DOK5: variants seen among roughly 807,000 people sequenced by gnomAD.
The protein encoded by DOK5 is downstream of tyrosine kinase 5.
A neutral mutation model predicts 43.3 loss-of-function variants in DOK5; 27 were observed. The ratio of observed to expected loss-of-function variants is 0.62; its 90% confidence interval spans 0.46 to 0.86. The LOEUF is 0.86. Ranked by LOEUF, DOK5 falls within the 40% of genes least tolerant of loss-of-function variation. DOK5 has a pLI of 0.00. For synonymous variants in DOK5, 146 were observed against 140.1 expected, an observed-to-expected ratio of 1.04 and a Z score of -0.30; for missense variants, 373 against 392.9, an observed-to-expected ratio of 0.95 and a Z score of 0.43.
intron 1 of DOK5, among the ~76,000 whole-genome samples, chr20:54,480,435 G>A (rs1015141267): frequency 6.6e-6 from 1 of 152,190 alleles, no homozygotes; most frequent in African/African-American, 2.4e-5. Context: ...GTTTACAGAT[G>A]CCATGGCAAC....
At chr20:54,583,244 T>A (rs1985695700) in intron 2 of DOK5, among the ~76,000 whole-genome samples, 2 of 152,152 alleles carry the variant, frequency 1.3e-5, no homozygotes, top group South Asian at 4.1e-4. Context: ...CTTAATTCTG[T>A]TATTATTTTT....
At chr20:54,574,680 A>G (rs1198490355) in intron 2 of DOK5, among the ~76,000 whole-genome samples, 1 of 152,220 alleles carries the variant, frequency 6.6e-6, no homozygotes, top group Non-Finnish European at 1.5e-5. Flanking sequence ...TGGAGTAGAA[A>G]CAGGAAAAAT....
intron 1 of DOK5, among the ~76,000 whole-genome samples, chr20:54,534,681 G>A (rs142973577): frequency 6.6e-6 from 1 of 152,310 alleles, no homozygotes; most frequent in Non-Finnish European, 1.5e-5. Flanking sequence ...AGATCTGTGA[G>A]GAGGAGGATG....
At chr20:54,509,890 G>A (rs1260205235) in intron 1 of DOK5, among the ~76,000 whole-genome samples, 1 of 151,356 alleles carries the variant, frequency 6.6e-6, no homozygotes, top group Non-Finnish European at 1.5e-5. Context: ...CAGTTACACT[G>A]CGATCTGGAA....
At chr20:54,613,307 A>T (rs1299280748) in intron 6 of DOK5, among the ~76,000 whole-genome samples, 2 of 152,072 alleles carry the variant, frequency 1.3e-5, no homozygotes, top group Non-Finnish European at 1.5e-5. Context: ...GTAAAATTAG[A>T]TTGAGAAGGA....
chr20:54,566,978 T>C (rs1475051560), intron 2 of DOK5, among the ~76,000 whole-genome samples: 1 of 152,212 alleles, frequency 6.6e-6, no homozygotes, highest in African/African-American at 2.4e-5. Context: ...CTTCTGTATA[T>C]CTTCTATGAA....
At chr20:54,516,939 T>G (rs1364486519) in intron 1 of DOK5, among the ~76,000 whole-genome samples, 1 of 152,220 alleles carries the variant, frequency 6.6e-6, no homozygotes, top group Non-Finnish European at 1.5e-5. Context: ...ACAAACTGTC[T>G]CCTGGGCTCA....
chr20:54,489,058 G>T (rs1311921045), intron 1 of DOK5, among the ~76,000 whole-genome samples: 4 of 152,116 alleles, frequency 2.6e-5, no homozygotes, highest in Non-Finnish European at 4.4e-5. Context: ...ATAGAAAACT[G>T]TGCCTATATC....
intron 1 of DOK5, among the ~76,000 whole-genome samples, chr20:54,544,358 T>G (rs763512784): frequency 3.3e-5 from 5 of 152,208 alleles, no homozygotes; most frequent in Non-Finnish European, 7.3e-5. Flanking sequence ...GGTAGCAGCC[T>G]GTATATTATG....
chr20:54,560,774 C>G (rs1984876658), intron 2 of DOK5, among the ~76,000 whole-genome samples: 2 of 152,182 alleles, frequency 1.3e-5, no homozygotes, highest in African/African-American at 2.4e-5. Context: ...GCATCCACCA[C>G]CATGCCCAGC....
chr20:54,563,544 G>A (rs1404293354), intron 2 of DOK5, among the ~76,000 whole-genome samples: 1 of 151,896 alleles, frequency 6.6e-6, no homozygotes, highest in African/African-American at 2.4e-5. Flanking sequence ...CAATAACATG[G>A]TTAAACCTCT....
intron 2 of DOK5, among the ~76,000 whole-genome samples, chr20:54,573,143 T>C (rs1985344793): frequency 6.6e-6 from 1 of 152,054 alleles, no homozygotes; most frequent in African/African-American, 2.4e-5. Context: ...ATAGGAAGTA[T>C]GGAAGGAGAG....
At chr20:54,548,013 G>A (rs1036156095) in intron 1 of DOK5, among the ~76,000 whole-genome samples, 1 of 152,168 alleles carries the variant, frequency 6.6e-6, no homozygotes. Flanking sequence ...GGAGGTGGGA[G>A]AATCTGCTAC....
chr20:54,616,154 G>A lies in DOK5; in HGVS notation c.735+5631G>A, dbSNP rs763757431. On this transcript the variant is annotated intron_variant, in intron 6 of 7. Coordinates refer to ENST00000262593, the MANE Select transcript of DOK5 (RefSeq NM_018431.5). ...GCTCTGTAACAGACAATGTGTTAAG[G>A]ACATTTTGTGTAATTTCTAAACCTC... 2.0e-5 allele frequency among the ~76,000 whole-genome samples: 3 copies of A among 152,240 alleles called. No individual in the cohort carries two copies. The South Asian group carries it at 6.2e-4, about 32-fold the overall frequency.
chr20:54,495,895 A>T (rs890623855), intron 1 of DOK5, among the ~76,000 whole-genome samples: 1 of 152,054 alleles, frequency 6.6e-6, no homozygotes, highest in Non-Finnish European at 1.5e-5. Context: ...GAAAAAAAAA[A>T]TTAGAAAGAA....
chr20:54,533,137 A>G (rs775787020), intron 1 of DOK5, among the ~76,000 whole-genome samples: 2 of 152,158 alleles, frequency 1.3e-5, no homozygotes, highest in Non-Finnish European at 2.9e-5. Flanking sequence ...CTTCAACACC[A>G]TTGACATTTT....
intron 1 of DOK5, among the ~76,000 whole-genome samples, chr20:54,494,350 G>A (rs1982307404): frequency 6.6e-6 from 1 of 152,154 alleles, no homozygotes; most frequent in Non-Finnish European, 1.5e-5. Flanking sequence ...CTTTCCTATT[G>A]GGTTTGACAT....
intron 6 of DOK5, among the ~76,000 whole-genome samples, chr20:54,633,139 A>G (rs1260644916): frequency 1.3e-5 from 2 of 152,224 alleles, no homozygotes; most frequent in Non-Finnish European, 2.9e-5. Flanking sequence ...TGGAAATTCT[A>G]GGAGTGGGGC....
chr20:54,621,102 G>A (rs1043232143), intron 6 of DOK5, among the ~76,000 whole-genome samples: 1 of 152,148 alleles, frequency 6.6e-6, no homozygotes, highest in Non-Finnish European at 1.5e-5. Flanking sequence ...AGATCTCAAG[G>A]TGGATTCTGA....
Sources: gnomAD v4.1 joint callset for allele counts (sites outside exome capture counted in the v4.1 genomes callset) on GRCh38, gnomAD v4.1.1 for gene constraint, MANE v1.5 for transcripts, NCBI Gene and HGNC (gene_info 2026-07-23, HGNC 2026-07-21) for gene names.